The following EIF4G3 variants were observed in gnomAD, a reference collection of about 807,000 sequenced individuals.
EIF4G3 encodes the protein eIF-4-gamma 3.
In EIF4G3, 34 loss-of-function variants were observed where a neutral mutation model predicts 186.4. That is an observed-to-expected ratio of 0.18 (90% confidence interval 0.14 to 0.24). The LOEUF (loss-of-function observed/expected upper bound fraction) is 0.24, where lower values mean the gene tolerates loss of function less well. Ranked by LOEUF, EIF4G3 falls within the 10% of genes least tolerant of loss-of-function variation. EIF4G3 has a pLI of 1.00. For missense variants in EIF4G3, 1,536 were observed against 1,948.5 expected (o/e 0.79, Z 3.99); for synonymous variants, 673 against 679.5 (o/e 0.99, Z 0.15).
At chr1:20,998,221 AC>A (rs2082714482) in intron 6 of EIF4G3, among the ~76,000 whole-genome samples, 1 of 38,984 alleles carries the variant, frequency 2.6e-5, no homozygotes, top group Non-Finnish European at 6.6e-5. Context: ...TTACACACAC[AC>A]ACACACACAC....
At chr1:20,866,772 C>A (rs1001400866) in intron 20 of EIF4G3, among the ~76,000 whole-genome samples, 12 of 152,140 alleles carry the variant, frequency 7.9e-5, no homozygotes, top group Admixed American at 7.9e-4. Flanking sequence ...GATTTTAGAA[C>A]TAAAGGTTCT....
rs117201764 is a variant in EIF4G3 at position 20,936,394 on chromosome 1, A to C, written c.1663+5097T>G. ...CACTCTGCTTGTTTTGGTAGATGAC[A>C]AAGAACCAGGAATGTGTAAGGAGTC... On this transcript the variant is annotated intron_variant, in intron 14 of 36. Coordinates refer to ENST00000602326, the MANE Select transcript of EIF4G3 (RefSeq NM_001391906.1). Among the ~76,000 whole-genome samples, 143 of 152,308 alleles carry C rather than the reference A, an allele frequency of 9.4e-4. 1 individual carries two copies. Among genetic ancestry groups the C allele is most frequent in the African/African-American group, 3.2e-3 (135 of 41,574 alleles).
rs773520087 is a variant in EIF4G3 at position 20,947,907 on chromosome 1, C to T, written c.823+2096G>A. On this transcript the variant is annotated intron_variant, in intron 13 of 36. Transcript: ENST00000602326. ...GCATTCCTTGTCTGGAAATCTGGGC[C>T]TAAATATGACAAAATGCAGGGATCT... Among the ~76,000 whole-genome samples, 137 of 152,124 alleles carry T rather than the reference C, an allele frequency of 9.0e-4. No individual in the cohort carries two copies. The Middle Eastern group carries it at 0.01, about 11-fold the overall frequency.
chr1:21,018,197 T>C (rs2089748449), intron 4 of EIF4G3, among the ~76,000 whole-genome samples: 1 of 152,156 alleles, frequency 6.6e-6, no homozygotes, highest in South Asian at 2.1e-4. Context: ...GCCCCTGTAC[T>C]GACATCCCTA....
chr1:21,151,755 T>C (rs1026280954), intron 2 of EIF4G3, among the ~76,000 whole-genome samples: 18 of 152,060 alleles, frequency 1.2e-4, no homozygotes, highest in South Asian at 6.2e-4. Context: ...AAGGTATTCC[T>C]TGAATATATG....
chr1:20,886,449 G>T, intron 18 of EIF4G3, 78 bp from the exon 19 acceptor site: 1 of 1,412,246 alleles, frequency 7.1e-7, no homozygotes, highest in Non-Finnish European at 9.7e-7. Flanking sequence ...CAAGTCTGAT[G>T]ACTACGCCAA....
chr1:20,971,728 G>A (rs185953332), intron 11 of EIF4G3, among the ~76,000 whole-genome samples: 2 of 152,284 alleles, frequency 1.3e-5, no homozygotes, highest in East Asian at 3.9e-4. Flanking sequence ...CCCCCTCCCA[G>A]TTTCAAGTGA....
At chr1:20,881,621 T>C (rs1177890068) in intron 19 of EIF4G3, among the ~76,000 whole-genome samples, 1 of 151,224 alleles carries the variant, frequency 6.6e-6, no homozygotes, top group East Asian at 2.0e-4. Context: ...ACCCTGTCCC[T>C]ACAAAAAATA....
chr1:20,842,752 T>A (rs919510215), intron 29 of EIF4G3, among the ~76,000 whole-genome samples: 1 of 152,232 alleles, frequency 6.6e-6, no homozygotes, highest in Non-Finnish European at 1.5e-5. Flanking sequence ...TCTTAGTTTG[T>A]TAAATAAATT....
intron 3 of EIF4G3, among the ~76,000 whole-genome samples, chr1:21,084,080 T>G (rs2095878437): frequency 6.6e-6 from 1 of 152,096 alleles, no homozygotes; most frequent in South Asian, 2.1e-4. Flanking sequence ...CACAGTGACC[T>G]TTTAAAAGTA....
At chr1:21,054,021 A>C (rs997925780) in intron 3 of EIF4G3, among the ~76,000 whole-genome samples, 3 of 152,190 alleles carry the variant, frequency 2.0e-5, no homozygotes, top group African/African-American at 7.2e-5. Context: ...GTTTTGTGGA[A>C]TAGAAAGGGG....
intron 29 of EIF4G3, among the ~76,000 whole-genome samples, chr1:20,844,061 G>A (rs1386280379): frequency 1.3e-5 from 2 of 152,184 alleles, no homozygotes; most frequent in Non-Finnish European, 2.9e-5. Flanking sequence ...TATCGTTGAT[G>A]GGCATTTAGG....
intron 7 of EIF4G3, among the ~76,000 whole-genome samples, chr1:20,991,254 A>T (rs2081031167): frequency 6.6e-6 from 1 of 152,200 alleles, no homozygotes; most frequent in African/African-American, 2.4e-5. Flanking sequence ...CACAAGCCAT[A>T]CTTAACTACT....
At position 20,942,105 on chromosome 1, in the gene EIF4G3, G is replaced by A; in HGVS notation, c.1049C>T (p.Thr350Ile). Residue 350 changes from threonine to isoleucine, a missense_variant, in exon 14 of 37, where the codon ACC becomes ATC. Coordinates refer to ENST00000602326, the MANE Select transcript of EIF4G3 (RefSeq NM_001391906.1). ...TTCACATCTGTCATCTATAGCAGTG[G>A]TGAATATTGGTTGGCTACTAAGAGC... Reference protein sequence around the residue: ...SSALSSQPIFTTAIDDRCELS... With the variant: ...SSALSSQPIFITAIDDRCELS... The A allele has an allele frequency of 6.2e-7, 1 of 1,614,154 alleles. No homozygotes were observed. The highest frequency in any genetic ancestry group is 1.1e-5 in the South Asian group (1 of 91,084).
At chr1:21,025,106 A>T (rs890859286) in intron 4 of EIF4G3, among the ~76,000 whole-genome samples, 1 of 152,178 alleles carries the variant, frequency 6.6e-6, no homozygotes, top group Non-Finnish European at 1.5e-5. Context: ...TTTAAACAGA[A>T]GCACAAAGAC....
chr1:21,127,086 A>C (rs2097060393), intron 2 of EIF4G3, among the ~76,000 whole-genome samples: 1 of 152,098 alleles, frequency 6.6e-6, no homozygotes, highest in South Asian at 2.1e-4. Flanking sequence ...AGGCTCAAGC[A>C]ATCCTCCCAC....
chr1:20,922,045 T>C (rs895303352), intron 14 of EIF4G3, among the ~76,000 whole-genome samples: 1 of 152,240 alleles, frequency 6.6e-6, no homozygotes, highest in Non-Finnish European at 1.5e-5. Flanking sequence ...TTGGTATTGG[T>C]ATTGTCTGAT....
At chr1:20,849,046 CAAAAAAAAAAAAAAAAAA>C (rs60344352) in intron 29 of EIF4G3, among the ~76,000 whole-genome samples, 11 of 17,394 alleles carry the variant, frequency 6.3e-4, no homozygotes, top group African/African-American at 1.8e-3. Flanking sequence ...GACTCTGTCT[CAAAAAAAAAAAAAAAAAA>C]AAAAAAAAAA....
At chr1:21,058,721 T>C (rs6426666) in intron 3 of EIF4G3, among the ~76,000 whole-genome samples, 37 of 27,592 alleles carry the variant, frequency 1.3e-3, no homozygotes, top group African/African-American at 4.1e-3. Context: ...CTCTCTCTCT[T>C]TTTTTTTTTT....
Sources: gnomAD v4.1 joint callset for allele counts (sites outside exome capture counted in the v4.1 genomes callset) on GRCh38, gnomAD v4.1.1 for gene constraint, MANE v1.5 for transcripts, NCBI Gene and HGNC (gene_info 2026-07-23, HGNC 2026-07-21) for gene names.